ADCY3: variants seen among roughly 807,000 people sequenced by gnomAD.
The protein encoded by ADCY3 is adenylate cyclase type 3.
Under a neutral mutation model 119.4 loss-of-function variants are expected in ADCY3, and 70 were observed. The ratio of observed to expected loss-of-function variants is 0.59; its 90% CI spans 0.48 to 0.72. The LOEUF is 0.72. Ranked by LOEUF, ADCY3 falls within the 30% of genes least tolerant of loss-of-function variation. The pLI, the probability that ADCY3 is intolerant of heterozygous loss-of-function variation, is 0.00. For synonymous variants in ADCY3, 672 were observed against 621.4 expected (o/e 1.08, Z -1.21); for missense variants, 1,238 against 1,541.6 (o/e 0.80, Z 3.30).
At chr2:24,848,047 T>C (rs577821145) in intron 3 of ADCY3, among the ~76,000 whole-genome samples, 2 of 152,348 alleles carry the variant, frequency 1.3e-5, no homozygotes, top group East Asian at 3.9e-4. Flanking sequence ...CTGCACTCAC[T>C]GTGGCTATAA....
chr2:24,822,773 A>G (rs1169784919), intron 18 of ADCY3, 143 bp from the exon 19 acceptor site: 18 of 1,137,266 alleles, frequency 1.6e-5, no homozygotes, highest in Non-Finnish European at 2.2e-5. Context: ...TCTACCGCTT[A>G]TCTGCCACAT....
chr2:24,824,606 T>C (rs1007545179), intron 16 of ADCY3, 70 bp from the exon 17 acceptor site: 2 of 1,545,768 alleles, frequency 1.3e-6, no homozygotes, highest in African/African-American at 2.7e-5. Flanking sequence ...AAAACAGGAA[T>C]GGCCAGGCGT....
intron 3 of ADCY3, among the ~76,000 whole-genome samples, chr2:24,870,694 T>C (rs1021769353): frequency 6.6e-6 from 1 of 152,208 alleles, no homozygotes; most frequent in African/African-American, 2.4e-5. Flanking sequence ...TGACCCTCTC[T>C]GCTGGTGCCC....
chr2:24,838,005 C>T (rs1356585121), intron 8 of ADCY3, among the ~76,000 whole-genome samples: 1 of 151,910 alleles, frequency 6.6e-6, no homozygotes, highest in Non-Finnish European at 1.5e-5. Context: ...TCCCTCATTT[C>T]CCACTCAGGA....
chr2:24,824,018 C>T (rs1228446947), intron 17 of ADCY3, among the ~76,000 whole-genome samples: 2 of 152,190 alleles, frequency 1.3e-5, no homozygotes, highest in Non-Finnish European at 2.9e-5. Context: ...AATTTTAAAA[C>T]AGCTTCTCTA....
intron 2 of ADCY3, among the ~76,000 whole-genome samples, chr2:24,875,115 G>A (rs1428920085): frequency 6.6e-6 from 1 of 151,702 alleles, no homozygotes; most frequent in Non-Finnish European, 1.5e-5. Flanking sequence ...AGATGGCCAG[G>A]CAAGGTTGTC....
Position 24,842,165 on chromosome 2 carries a change from T to C in ADCY3, c.956+89A>G, listed in dbSNP as rs1259944488. ...TGCTTCTAGTCCCTGGAAAACCTCT[T>C]GAAGCCCACAGCACCTAGCGGGTCC... is the stretch of plus-strand genomic sequence containing the variant. On this transcript the variant is annotated intron_variant, in intron 4 of 21. Coordinates refer to ENST00000679454, the MANE Select transcript of ADCY3 (RefSeq NM_004036.5). The surrounding 1 kb of genome is among the most constrained non-coding windows in gnomAD (Gnocchi z 4.9). 2.5e-6 allele frequency: 4 copies of C among 1,577,326 alleles called. No individual in the cohort carries two copies. The highest frequency in any genetic ancestry group is 3.4e-6 in the Non-Finnish European group (4 of 1,160,816).
At chr2:24,854,627 T>C (rs1320483717) in intron 3 of ADCY3, among the ~76,000 whole-genome samples, 1 of 152,060 alleles carries the variant, frequency 6.6e-6, no homozygotes. Flanking sequence ...TCAAAAAGGA[T>C]AGAGGTCATA....
Position 24,827,531 on chromosome 2 carries a change from A to T in ADCY3, c.2495+15T>A, listed in dbSNP as rs1027891771. The T allele has an allele frequency of 6.3e-7, 1 of 1,576,394 alleles. No individual in the cohort carries two copies. Among genetic ancestry groups the T allele is most frequent in the Non-Finnish European group, 8.6e-7 (1 of 1,158,058 alleles). The stretch of plus-strand genomic sequence containing the variant: ...GCTGTGAGTGCAGGCCAGGAGGGGA[A>T]GCCGTGGCCCTTACCTGTCAGTGCC... On this transcript the variant is annotated intron_variant, in intron 15 of 21. Transcript: ENST00000679454.
At chr2:24,821,692 C>G in intron 19 of ADCY3, 52 bp from the exon 20 acceptor site, 1 of 1,593,500 alleles carries the variant, frequency 6.3e-7, no homozygotes, top group South Asian at 1.1e-5. Flanking sequence ...CTGCAGCAGC[C>G]TGCTCTGCTG....
At chr2:24,873,349 G>C (rs1042318197) in intron 2 of ADCY3, among the ~76,000 whole-genome samples, 7 of 152,198 alleles carry the variant, frequency 4.6e-5, no homozygotes, top group Admixed American at 3.9e-4. Context: ...CCTGCCAGCA[G>C]GTGAGGGGTG....
chr2:24,838,078 G>A lies in ADCY3; in HGVS notation c.1533+367C>T, dbSNP rs13431541. Among the ~76,000 whole-genome samples, 708 of 92,916 alleles carry A rather than the reference G, an allele frequency of 7.6e-3. 12 individuals carry two copies. Among genetic ancestry groups the A allele is most frequent in the African/African-American group, 0.028 (660 of 23,210 alleles). The allele number at this position is 92,916 out of a possible 152,430, so 61.0% of individuals were successfully genotyped here. A position where few individuals can be genotyped will look rare whatever the true frequency, so the allele number is the denominator to read the frequency against. On this transcript the variant is annotated intron_variant, in intron 8 of 21. Coordinates refer to ENST00000679454, the MANE Select transcript of ADCY3 (RefSeq NM_004036.5). ...TCACCCCACCCCCACCCTCCTCTCT[G>A]AGCCTCTCCCTGAGCATCCACGTCA...
chr2:24,840,715 G>A, intron 6 of ADCY3: 1 of 358,670 alleles, frequency 2.8e-6, no homozygotes, highest in African/African-American at 2.1e-5. Flanking sequence ...AGAGCTGCAA[G>A]CCCACTTGGA....
At chr2:24,883,205 G>A (rs1465516662) in intron 2 of ADCY3, among the ~76,000 whole-genome samples, 1 of 151,946 alleles carries the variant, frequency 6.6e-6, no homozygotes, top group Non-Finnish European at 1.5e-5. Flanking sequence ...AAAATTAGCT[G>A]GGCATGGTGG....
chr2:24,828,523 G>T (rs1668947117), intron 13 of ADCY3, among the ~76,000 whole-genome samples: 1 of 152,138 alleles, frequency 6.6e-6, no homozygotes, highest in East Asian at 1.9e-4. Flanking sequence ...ATATCACACT[G>T]TTGCTTCAGG....
chr2:24,834,244 C>CAGA lies in ADCY3; in HGVS notation c.1967+240_1967+241insTCT, dbSNP rs1669985071. On this transcript the variant is annotated intron_variant, in intron 11 of 21. Coordinates refer to ENST00000679454, the MANE Select transcript of ADCY3 (RefSeq NM_004036.5). The surrounding 1 kb of genome is among the most constrained non-coding windows in gnomAD (Gnocchi z 4.2). ...GCCTCTGTCCCTCAGCTCTCTTGAT[C>CAGA]CTGGCCAGATCCCCATTCTGACGCT... is the stretch of plus-strand genomic sequence containing the variant. Among the ~76,000 whole-genome samples the CAGA allele has an allele frequency of 6.6e-6, 1 of 152,228 alleles. No individual in the cohort carries two copies. The highest frequency in any genetic ancestry group is 2.4e-5 in the African/African-American group (1 of 41,460).
chr2:24,892,958 C>T (rs1276874714), intron 2 of ADCY3, among the ~76,000 whole-genome samples: 1 of 151,926 alleles, frequency 6.6e-6, no homozygotes, highest in African/African-American at 2.4e-5. Flanking sequence ...GCCACCACAC[C>T]TGGCCTATTT....
rs57986345 is a variant in ADCY3, at chr2:24,896,384, CA to C, written c.675+21928del. On this transcript the variant is annotated intron_variant, in intron 2 of 21. Coordinates refer to ENST00000679454, the MANE Select transcript of ADCY3 (RefSeq NM_004036.5). ...TGGGTAACAAAGTGAGATTCTGTTACAAAAAAAAAAAAGTTATTTTCATGTC... is the reference window on the plus strand; with the variant it reads ...TGGGTAACAAAGTGAGATTCTGTTACAAAAAAAAAAAGTTATTTTCATGTC... Among the ~76,000 whole-genome samples the C allele has an allele frequency of 3.1e-3, 445 of 142,190 alleles. 2 individuals are homozygous for C. The highest frequency in any genetic ancestry group is 9.3e-3 in the African/African-American group (362 of 39,000). 93.3% of individuals were successfully genotyped at this position (142,190 alleles called of 152,430 possible).
rs754015078 is a variant in ADCY3 at position 24,828,070 on chromosome 2, T to C, written c.2264A>G (p.Asn755Ser). ...GATGAGGGACAGCACGGCCACATAG[T>C]TGTAATACTTGGGGTTCTCCAGGCA... ...GSCLENPKYY[N>S]YVAVLSLIAT... Residue 755 changes from asparagine to serine, a missense_variant, in exon 14 of 22, where the codon AAC becomes AGC. Asn to Ser is a conservative substitution (Grantham distance 46). Around this residue, in one of 7 missense-constraint regions of ADCY3, gnomAD observed 499 missense variants for 571.0 expected, o/e 0.87. Coordinates refer to ENST00000679454, the MANE Select transcript of ADCY3 (RefSeq NM_004036.5). 1 of 1,614,234 alleles carries C rather than the reference T, an allele frequency of 6.2e-7. No homozygotes were observed. The highest frequency in any genetic ancestry group is 8.5e-7 in the Non-Finnish European group (1 of 1,180,048).
Sources: gnomAD v4.1 joint callset for allele counts (sites outside exome capture counted in the v4.1 genomes callset) on GRCh38, gnomAD v4.1.1 for gene constraint, gnomAD v4.1.1 regional missense constraint, Gnocchi (gnomAD v3.1) non-coding constraint, MANE v1.5 for transcripts, NCBI Gene and HGNC (gene_info 2026-07-23, HGNC 2026-07-21) for gene names.